The following NRXN3 variants were observed in gnomAD, a reference collection of about 807,000 sequenced individuals.
NRXN3 encodes the protein neurexin 3, also known as neurexin III.
In NRXN3, 32 loss-of-function variants were observed where a neutral mutation model predicts 137.6. That is an observed-to-expected ratio of 0.23 (90% CI 0.18 to 0.31). The LOEUF (loss-of-function observed/expected upper bound fraction) is 0.31. Among genes scored for constraint, NRXN3 ranks in the 10% least tolerant of loss-of-function variants. The pLI is 1.00. For missense variants in NRXN3, 1,574 were observed against 2,062.5 expected (o/e 0.76, Z 4.59); for synonymous variants, 798 against 784.5 (o/e 1.02, Z -0.29).
chr14:79,517,896 CTTTTTTTTTTT>C (rs34241975), intron 16 of NRXN3, among the ~76,000 whole-genome samples: 1 of 73,354 alleles, frequency 1.4e-5, no homozygotes, highest in Non-Finnish European at 2.4e-5. Context: ...CCTGACTTTC[CTTTTTTTTTTT>C]TTTTTTTTTT....
intron 4 of NRXN3, among the ~76,000 whole-genome samples, chr14:78,383,988 G>A (rs989620599): frequency 6.6e-6 from 1 of 152,184 alleles, no homozygotes; most frequent in East Asian, 1.9e-4. Flanking sequence ...GTGGCACAGA[G>A]AAAAGAGGAG....
At chr14:78,885,319 T>C (rs1173986918) in intron 10 of NRXN3, among the ~76,000 whole-genome samples, 2 of 151,684 alleles carry the variant, frequency 1.3e-5, no homozygotes, top group African/African-American at 4.8e-5. Flanking sequence ...ATATTATCAG[T>C]AATAGAATAA....
At chr14:78,427,817 T>TA (rs2093719944) in intron 4 of NRXN3, among the ~76,000 whole-genome samples, 1 of 152,200 alleles carries the variant, frequency 6.6e-6, no homozygotes, top group Admixed American at 6.5e-5. Flanking sequence ...AGAAAGATAA[T>TA]ACATCTTCCT....
intron 16 of NRXN3, among the ~76,000 whole-genome samples, chr14:79,558,419 A>T (rs1169245309): frequency 6.6e-6 from 1 of 152,178 alleles, no homozygotes; most frequent in Non-Finnish European, 1.5e-5. Context: ...TCCTTGATCC[A>T]TGAACTGCAG....
intron 16 of NRXN3, among the ~76,000 whole-genome samples, chr14:79,474,682 T>C (rs1446109481): frequency 6.6e-6 from 1 of 152,112 alleles, no homozygotes; most frequent in Non-Finnish European, 1.5e-5. Flanking sequence ...TTCTCTTTAG[T>C]ATAAGCTTCC....
In NRXN3 at chr14:78,370,523, G is replaced by A. The variant is rs529488963; in HGVS notation, c.757+72663G>A. On this transcript the variant is annotated intron_variant, in intron 4 of 20. Coordinates refer to ENST00000335750, the MANE Select transcript of NRXN3 (RefSeq NM_001330195.2). ...GGTTGTATCATTATTTGTTTTATTT[G>A]TCTTTACTCATCTCTAGACTCTAAA... Among the ~76,000 whole-genome samples the A allele has an allele frequency of 5.3e-5, 8 of 152,110 alleles. No individual in the cohort carries two copies. In the East Asian group the frequency reaches 9.7e-4, roughly 18 times the overall value.
chr14:79,547,100 G>GC (rs2097327992), intron 16 of NRXN3, among the ~76,000 whole-genome samples: 1 of 152,116 alleles, frequency 6.6e-6, no homozygotes, highest in Non-Finnish European at 1.5e-5. Flanking sequence ...CAAGCCCTGT[G>GC]CATGGCTATA....
chr14:79,136,697 G>T (rs1380672911), intron 15 of NRXN3, among the ~76,000 whole-genome samples: 2 of 152,192 alleles, frequency 1.3e-5, no homozygotes, highest in Non-Finnish European at 2.9e-5. Context: ...GAGAAAATGA[G>T]CTTCATAAAT....
At chr14:79,466,373 G>C (rs1308784750) in intron 15 of NRXN3, among the ~76,000 whole-genome samples, 2 of 152,096 alleles carry the variant, frequency 1.3e-5, no homozygotes, top group Non-Finnish European at 2.9e-5. Flanking sequence ...AGATCACAAG[G>C]TCAGGAGATT....
In NRXN3 at chr14:79,794,296, G is replaced by A. The variant is rs577885266; in HGVS notation, c.4015-10816G>A. Among the ~76,000 whole-genome samples the A allele has an allele frequency of 5.3e-5, 8 of 152,174 alleles. No homozygotes were observed. The South Asian group carries it at 1.0e-3, about 20-fold the overall frequency. On this transcript the variant is annotated intron_variant, in intron 19 of 20. Transcript: ENST00000335750. Reference sequence around the variant, plus strand: ...GAAGAATTGCTTGAACCTGGGAGGCGGAGGTTGCAGTGAGCCAAGATGGTA... The same window carrying A: ...GAAGAATTGCTTGAACCTGGGAGGCAGAGGTTGCAGTGAGCCAAGATGGTA...
intron 2 of NRXN3, among the ~76,000 whole-genome samples, chr14:78,254,607 G>A (rs572804319): frequency 6.6e-6 from 1 of 152,010 alleles, no homozygotes; most frequent in Admixed American, 6.5e-5. Flanking sequence ...TGAACCCAGA[G>A]GTGGAGGTTG....
chr14:78,932,403 G>T (rs867115482), intron 10 of NRXN3, among the ~76,000 whole-genome samples: 2 of 152,180 alleles, frequency 1.3e-5, no homozygotes, highest in Non-Finnish European at 2.9e-5. Context: ...TTGAGTACCT[G>T]TTGACAGGTG....
chr14:78,738,166 C>CT (rs1168202146), intron 8 of NRXN3, among the ~76,000 whole-genome samples: 1 of 152,206 alleles, frequency 6.6e-6, no homozygotes, highest in Non-Finnish European at 1.5e-5. Context: ...TCCTAACTCC[C>CT]TAAACATTCA....
At chr14:79,509,381 T>A (rs1306287913) in intron 16 of NRXN3, among the ~76,000 whole-genome samples, 1 of 152,004 alleles carries the variant, frequency 6.6e-6, no homozygotes, top group African/African-American at 2.4e-5. Context: ...CCAGGCATCA[T>A]GGCGTGTGCC....
intron 16 of NRXN3, among the ~76,000 whole-genome samples, chr14:79,660,123 T>C (rs533331771): frequency 8.5e-5 from 13 of 152,152 alleles, no homozygotes; most frequent in Non-Finnish European, 1.9e-4. Context: ...ATGCTTTTGT[T>C]CCCTCACATC....
chr14:78,940,413 G>T (rs1009655089), intron 10 of NRXN3, among the ~76,000 whole-genome samples: 13 of 152,144 alleles, frequency 8.5e-5, no homozygotes, highest in Admixed American at 6.5e-4. Context: ...ATAATGCAAA[G>T]AACTCATAGT....
chr14:78,471,151 G>A (rs912578897), intron 4 of NRXN3, among the ~76,000 whole-genome samples: 3 of 152,056 alleles, frequency 2.0e-5, no homozygotes, highest in Admixed American at 2.0e-4. Context: ...ATCCTGAGGA[G>A]GTCCTTGGAA....
intron 1 of NRXN3, among the ~76,000 whole-genome samples, chr14:78,233,081 A>G (rs950284579): frequency 6.6e-6 from 1 of 152,218 alleles, no homozygotes; most frequent in African/African-American, 2.4e-5. Context: ...GTAGGTGGAA[A>G]AGAGACTGTT....
At chr14:79,613,815 A>G (rs528468133) in intron 16 of NRXN3, among the ~76,000 whole-genome samples, 68 of 152,332 alleles carry the variant, frequency 4.5e-4, no homozygotes, top group Non-Finnish European at 9.3e-4. Flanking sequence ...TCAACCTTTC[A>G]TTTTAGCTTA....
Sources: allele counts gnomAD v4.1 joint callset (sites outside exome capture counted in the v4.1 genomes callset), GRCh38; gene constraint gnomAD v4.1.1; transcripts MANE v1.5; gene names NCBI Gene and HGNC (gene_info 2026-07-23, HGNC 2026-07-21).